Variants in RXRA observed in about 807,000 individuals in gnomAD.
RXRA encodes the protein retinoic acid receptor RXR-alpha.
Under a neutral mutation model 44.5 loss-of-function variants are expected in RXRA, and 5 were observed. The observed-to-expected ratio is 0.11, with a 90% CI of 0.06 to 0.24. The LOEUF (loss-of-function observed/expected upper bound fraction) is 0.24, where lower values mean the gene tolerates loss of function less well. RXRA is among the 10% of genes least tolerant of loss of function. RXRA has a pLI of 1.00. For synonymous variants in RXRA, 291 were observed against 271.4 expected, an observed-to-expected ratio of 1.07 and a Z score of -0.71; for missense variants, 412 against 646.5, an observed-to-expected ratio of 0.64 and a Z score of 3.93.
intron 1 of RXRA, among the ~76,000 whole-genome samples, chr9:134,350,718 G>A (rs530402304): frequency 6.6e-6 from 1 of 152,354 alleles, no homozygotes; most frequent in Non-Finnish European, 1.5e-5. Context: ...TCCATCTGGG[G>A]CATTCTCATG....
intron 1 of RXRA, among the ~76,000 whole-genome samples, chr9:134,395,111 G>A (rs1171105614): frequency 6.6e-6 from 1 of 152,226 alleles, no homozygotes; most frequent in Non-Finnish European, 1.5e-5. Context: ...GACACCGTGG[G>A]CTCTCAGGGA....
chr9:134,436,454 C>T lies in RXRA; in HGVS notation c.1242-13C>T. On this transcript the variant is annotated splice_polypyrimidine_tract_variant and intron_variant, in intron 9 of 9. Transcript: ENST00000481739. Reference sequence around the variant, plus strand: ...GCCCCTTGCCCGGCCCTCACCAGACCTGTTCCCTGCAGGTTCGCTAAGCTC... The same window carrying T: ...GCCCCTTGCCCGGCCCTCACCAGACTTGTTCCCTGCAGGTTCGCTAAGCTC... 1 of 1,613,458 alleles carries T rather than the reference C, an allele frequency of 6.2e-7. No individual in the cohort carries two copies. The highest frequency in any genetic ancestry group is 8.5e-7 in the Non-Finnish European group (1 of 1,179,840).
At chr9:134,345,899 C>T (rs1830145082) in intron 1 of RXRA, among the ~76,000 whole-genome samples, 1 of 152,196 alleles carries the variant, frequency 6.6e-6, no homozygotes, top group Non-Finnish European at 1.5e-5. Flanking sequence ...GTGGCTGCTC[C>T]TGTGTCCAGA....
rs992868550 is a variant in RXRA, at chr9:134,365,758, G to C, written c.29-35874G>C. 6.7e-6 allele frequency among the ~76,000 whole-genome samples: 1 copy of C among 148,872 alleles called. No homozygotes were observed. Among genetic ancestry groups the C allele is most frequent in the East Asian group, 2.0e-4 (1 of 4,914 alleles). On this transcript the variant is annotated intron_variant, in intron 1 of 9. Transcript: ENST00000481739. The surrounding 1 kb of genome is among the most constrained non-coding windows in gnomAD (Gnocchi z 4.0). ...TCGGTGGGTCTCGGTGGGGCCAGCT[G>C]TCGGTGGGTGAGGTGCCCCAGGGGA...
At chr9:134,360,374 C>T (rs1830335247) in intron 1 of RXRA, among the ~76,000 whole-genome samples, 1 of 152,200 alleles carries the variant, frequency 6.6e-6, no homozygotes, top group Non-Finnish European at 1.5e-5. Context: ...GCCTGCCGTG[C>T]CCAGGCCTGG....
At position 134,426,580 on chromosome 9, in the gene RXRA, C is replaced by T. The variant is rs955859877; in HGVS notation, c.911-2528C>T. 25 of 985,336 alleles carry T rather than the reference C, an allele frequency of 2.5e-5. No homozygotes were observed. Among genetic ancestry groups the T allele is most frequent in the African/African-American group, 5.2e-5 (3 of 57,248 alleles). The allele number at this position is 985,336 out of a possible 1,614,324, so 61.0% of individuals were successfully genotyped here. On this transcript the variant is annotated intron_variant, in intron 6 of 9. Transcript: ENST00000481739. This position sits in a 1 kb window ranked among gnomAD's most constrained non-coding sequence, Gnocchi z 4.6. ...CCTGTATCCCGTGCTGAGGGCCGCACCTCGGCTCAGCAGCGCCTTCTGACC... is the reference window on the plus strand; with the variant it reads ...CCTGTATCCCGTGCTGAGGGCCGCATCTCGGCTCAGCAGCGCCTTCTGACC...
intron 6 of RXRA, 135 bp from the exon 7 acceptor site, chr9:134,428,973 A>G (rs932548071): frequency 5.7e-6 from 6 of 1,056,108 alleles, no homozygotes; most frequent in Non-Finnish European, 8.3e-6. Context: ...GGAACACTTC[A>G]TGGGATTGGG....
At chr9:134,379,810 C>T (rs1830614599) in intron 1 of RXRA, 1 of 985,228 alleles carries the variant, frequency 1.0e-6, no homozygotes, top group South Asian at 4.7e-5. Flanking sequence ...CTCAGTCTTC[C>T]CCAGCTCCAA....
rs927696424 is a variant in RXRA at position 134,417,703 on chromosome 9, A to C, written c.780+376A>C. Among the ~76,000 whole-genome samples, 1 of 151,988 alleles carries C rather than the reference A, an allele frequency of 6.6e-6. No homozygotes were observed. Among genetic ancestry groups the C allele is most frequent in the African/African-American group, 2.4e-5 (1 of 41,374 alleles). On this transcript the variant is annotated intron_variant, in intron 5 of 9. Transcript: ENST00000481739. This position sits in a 1 kb window ranked among gnomAD's most constrained non-coding sequence, Gnocchi z 6.1. ...TCCCTGCTCCCCGGTGCCACTTGGA[A>C]AAGGTATGGGAGGAGGCCGAGCCCC...
At chr9:134,331,628 A>G (rs1835007748) in intron 1 of RXRA, among the ~76,000 whole-genome samples, 1 of 152,152 alleles carries the variant, frequency 6.6e-6, no homozygotes, top group African/African-American at 2.4e-5. Flanking sequence ...GAAGGTGCCG[A>G]TGGCTGCAGC....
At chr9:134,368,732 G>A (rs1752434919) in intron 1 of RXRA, among the ~76,000 whole-genome samples, 1 of 148,538 alleles carries the variant, frequency 6.7e-6, no homozygotes, top group African/African-American at 2.6e-5. Context: ...TGCCATGTGT[G>A]GATGTGACTG....
At chr9:134,409,486 G>A (rs964826529) in intron 4 of RXRA, among the ~76,000 whole-genome samples, 3 of 152,246 alleles carry the variant, frequency 2.0e-5, no homozygotes, top group East Asian at 1.9e-4. Flanking sequence ...GTGGCACCCC[G>A]CAGGGCCGCC....
chr9:134,348,173 G>A (rs1318479433), intron 1 of RXRA, among the ~76,000 whole-genome samples: 8 of 152,186 alleles, frequency 5.3e-5, no homozygotes, highest in Admixed American at 2.0e-4. Context: ...CGGCAGTTGC[G>A]ATTGAGGTCA....
chr9:134,422,301 C>T (rs1356640838), intron 6 of RXRA: 2 of 1,288,972 alleles, frequency 1.6e-6, no homozygotes, highest in Non-Finnish European at 2.0e-6. Flanking sequence ...TCCTGGGACG[C>T]TCCCCTTTCC....
At chr9:134,377,528 C>CGT (rs914004455) in intron 1 of RXRA, among the ~76,000 whole-genome samples, 1 of 152,086 alleles carries the variant, frequency 6.6e-6, no homozygotes, top group African/African-American at 2.4e-5. Flanking sequence ...GTGAAGTCTC[C>CGT]GTGTGTGTGT....
intron 2 of RXRA, chr9:134,403,418 C>G (rs1223517178): frequency 6.6e-6 from 1 of 152,300 alleles, no homozygotes; most frequent in East Asian, 1.9e-4. Flanking sequence ...AGCCCTGCCC[C>G]TGCTCTTGTT....
intron 6 of RXRA, chr9:134,422,898 C>T (rs1319176935): frequency 1.0e-6 from 1 of 985,474 alleles, no homozygotes; most frequent in Non-Finnish European, 1.2e-6. Flanking sequence ...GTGCTCTCTG[C>T]CCTTCTCCTC....
chr9:134,332,560 A>G (rs1473073034), intron 1 of RXRA, among the ~76,000 whole-genome samples: 1 of 147,334 alleles, frequency 6.8e-6, no homozygotes, highest in Non-Finnish European at 1.5e-5. Context: ...AGGGACAGCA[A>G]GGTCTGGCCT....
rs955768770 is a variant in RXRA at position 134,426,916 on chromosome 9, C to G, written c.911-2192C>G. On this transcript the variant is annotated intron_variant, in intron 6 of 9. Coordinates refer to ENST00000481739, the MANE Select transcript of RXRA (RefSeq NM_002957.6). The surrounding 1 kb of genome is among the most constrained non-coding windows in gnomAD (Gnocchi z 4.6). The stretch of plus-strand genomic sequence containing the variant: ...CTGGTGTGGGAAGGGAGGGAGAGCC[C>G]TTTCCTAGGAGAGCATTTGCTCTCA... 31 of 985,202 alleles carry G rather than the reference C, an allele frequency of 3.1e-5. No homozygotes were observed. The highest frequency in any genetic ancestry group is 3.7e-5 in the Non-Finnish European group (31 of 829,924). The allele number at this position is 985,202 out of a possible 1,614,324, so 61.0% of individuals were successfully genotyped here. A position where few individuals can be genotyped will look rare whatever the true frequency, so the allele number is the denominator to read the frequency against.
Sources: gnomAD v4.1 joint callset for allele counts (sites outside exome capture counted in the v4.1 genomes callset) on GRCh38, gnomAD v4.1.1 for gene constraint, Gnocchi (gnomAD v3.1) non-coding constraint, MANE v1.5 for transcripts, NCBI Gene and HGNC (gene_info 2026-07-23, HGNC 2026-07-21) for gene names.